ICA1: variants seen among roughly 807,000 people sequenced by gnomAD.
The protein encoded by ICA1 is 69 kDa islet cell autoantigen.
Under a neutral mutation model 71.0 loss-of-function variants are expected in ICA1, and 40 were observed. The observed-to-expected ratio is 0.56, with a 90% CI of 0.44 to 0.73. ICA1 has a LOEUF of 0.73. Among genes scored for constraint, ICA1 ranks in the 30% least tolerant of loss-of-function variants. The probability of loss-of-function intolerance (pLI) is 0.00; values close to 1 mark genes in which losing one functional copy is unlikely to be tolerated. For missense variants in ICA1, 578 were observed against 576.5 expected (o/e 1.00, Z -0.03); for synonymous variants, 207 against 209.5 (o/e 0.99, Z 0.10).
At chr7:8,143,784 C>T (rs919150209) in intron 9 of ICA1, 91 bp downstream of exon 9, 15 of 770,290 alleles carry the variant, frequency 1.9e-5, no homozygotes, top group African/African-American at 7.0e-5. Context: ...GACAAGTCTG[C>T]GTCTGAGGCC....
At chr7:8,192,256 T>G (rs1310745538) in intron 6 of ICA1, among the ~76,000 whole-genome samples, 2 of 152,238 alleles carry the variant, frequency 1.3e-5, no homozygotes, top group Non-Finnish European at 2.9e-5. Flanking sequence ...TCAGTTGTCA[T>G]GTTTTTTCAG....
chr7:8,116,261 G>C (rs1035314464), intron 13 of ICA1: 2 of 152,198 alleles, frequency 1.3e-5, no homozygotes, highest in African/African-American at 4.8e-5. Flanking sequence ...GTTGTCATTT[G>C]GACTGCTTGT....
At chr7:8,176,527 G>A (rs1237503622) in intron 6 of ICA1, among the ~76,000 whole-genome samples, 1 of 152,144 alleles carries the variant, frequency 6.6e-6, no homozygotes, top group Non-Finnish European at 1.5e-5. Flanking sequence ...GCACGAAGGG[G>A]GAAACCACAG....
intron 6 of ICA1, among the ~76,000 whole-genome samples, chr7:8,216,583 C>T (rs867708674): frequency 1.3e-5 from 1 of 76,402 alleles, no homozygotes; most frequent in South Asian, 3.2e-4. Context: ...CAAAACAAAA[C>T]CAAAAAAAAA....
intron 1 of ICA1, among the ~76,000 whole-genome samples, chr7:8,249,202 A>G (rs979167582): frequency 1.3e-5 from 2 of 152,266 alleles, no homozygotes; most frequent in African/African-American, 2.4e-5. Flanking sequence ...CAGAGGCACA[A>G]TGCTGGCTTC....
chr7:8,232,832 A>C, intron 2 of ICA1, 77 bp from the exon 3 acceptor site: 1 of 1,267,934 alleles, frequency 7.9e-7, no homozygotes. Flanking sequence ...TGATTTCTTT[A>C]AACATGACTT....
chr7:8,139,144 G>T, intron 10 of ICA1, 97 bp from the exon 11 acceptor site: 1 of 936,334 alleles, frequency 1.1e-6, no homozygotes, highest in Non-Finnish European at 1.7e-6. Flanking sequence ...GCTTCAGGAA[G>T]AAATGGGATC....
rs182209317 is a variant in ICA1, at chr7:8,250,556, C to T, written c.-80+11538G>A. ...TGGATTTTTGACGTGGACACGATTA[C>T]CTGAGCATTCCACACAACTGCACAC... On this transcript the variant is annotated intron_variant, in intron 1 of 13. Transcript: ENST00000402384. 8.6e-4 allele frequency among the ~76,000 whole-genome samples: 131 copies of T among 152,296 alleles called. 1 individual carries two copies. The highest frequency in any genetic ancestry group is 4.4e-4 in the Non-Finnish European group (30 of 68,024).
intron 12 of ICA1, among the ~76,000 whole-genome samples, chr7:8,135,255 G>A (rs1793004040): frequency 6.6e-6 from 1 of 152,108 alleles, no homozygotes; most frequent in South Asian, 2.1e-4. Context: ...TCGAACTCTT[G>A]ACCTCAAGTG....
At chr7:8,204,205 C>A (rs1168591761) in intron 6 of ICA1, among the ~76,000 whole-genome samples, 4 of 152,204 alleles carry the variant, frequency 2.6e-5, no homozygotes, top group Admixed American at 2.6e-4. Flanking sequence ...TCCTCTACCC[C>A]AGAAACCTTT....
At position 8,228,627 on chromosome 7, in the gene ICA1, A is replaced by G; in HGVS notation, c.230T>C (p.Ile77Thr). The change falls in exon 4 of 14, where the codon ATT becomes ACT. Residue 77 changes from isoleucine (I) to threonine (T), a missense_variant. Transcript: ENST00000402384. ...QRTCLDLSKA[I>T]VLYQKRICFL... ...ACATATCCTCTTTTGATAGAGTACA[A>G]TTGCTTTCGATAAGTCCAGACAGGT... The G allele has an allele frequency of 1.2e-6, 2 of 1,600,724 alleles. No homozygotes were observed. Among genetic ancestry groups the G allele is most frequent in the African/African-American group, 1.3e-5 (1 of 74,734 alleles).
At chr7:8,149,705 C>T (rs111731063) in intron 8 of ICA1, among the ~76,000 whole-genome samples, 9 of 152,272 alleles carry the variant, frequency 5.9e-5, no homozygotes, top group East Asian at 1.9e-4. Context: ...CCTTTAATTA[C>T]GACATCTAAT....
At chr7:8,200,848 TCTCA>T (rs1184266172) in intron 6 of ICA1, among the ~76,000 whole-genome samples, 1 of 152,198 alleles carries the variant, frequency 6.6e-6, no homozygotes, top group Non-Finnish European at 1.5e-5. Context: ...TTTTCTAATT[TCTCA>T]CTGTCTATTT....
chr7:8,197,547 GA>G (rs71014771), intron 6 of ICA1, among the ~76,000 whole-genome samples: 61,017 of 122,024 alleles, frequency 0.5, 17,675 homozygotes, highest in South Asian at 0.75. Context: ...CTTCGTCTCA[GA>G]AAAAAAAAAA....
intron 12 of ICA1, among the ~76,000 whole-genome samples, chr7:8,134,206 C>G (rs568014511): frequency 3.9e-4 from 60 of 152,222 alleles, no homozygotes; most frequent in African/African-American, 1.0e-3. Context: ...CTGTACTGCC[C>G]AAGTTTTCAA....
At chr7:8,159,256 T>C (rs1261750564) in intron 6 of ICA1, among the ~76,000 whole-genome samples, 1 of 152,224 alleles carries the variant, frequency 6.6e-6, no homozygotes, top group East Asian at 1.9e-4. Context: ...TGAAACTTTT[T>C]ACTACTGAGT....
chr7:8,209,472 T>C (rs1421213512), intron 6 of ICA1, among the ~76,000 whole-genome samples: 1 of 152,212 alleles, frequency 6.6e-6, no homozygotes, highest in Admixed American at 6.5e-5. Flanking sequence ...CTCATTTTTG[T>C]TCAATGGAAG....
chr7:8,246,143 A>T (rs149279779), intron 1 of ICA1, among the ~76,000 whole-genome samples: 1,707 of 152,314 alleles, frequency 0.011, 19 homozygotes, highest in Non-Finnish European at 0.017. Context: ...GCTTGTGGTC[A>T]TCTTACCTTG....
At chr7:8,194,909 T>C (rs569040402) in intron 6 of ICA1, among the ~76,000 whole-genome samples, 1 of 152,168 alleles carries the variant, frequency 6.6e-6, no homozygotes, top group South Asian at 2.1e-4. Flanking sequence ...AATTTTTTTA[T>C]GTTGAGTTGA....
Sources: allele counts gnomAD v4.1 joint callset (sites outside exome capture counted in the v4.1 genomes callset), GRCh38; gene constraint gnomAD v4.1.1; transcripts MANE v1.5; gene names NCBI Gene and HGNC (gene_info 2026-07-23, HGNC 2026-07-21).